DLG1: variants seen among roughly 807,000 people sequenced by gnomAD.
The protein encoded by DLG1 is disks large homolog 1.
DLG1 carries 42 observed loss-of-function variants against 123.4 expected under a neutral mutation model. The ratio of observed to expected loss-of-function variants is 0.34; its 90% CI spans 0.27 to 0.44. DLG1 has a LOEUF of 0.44. Ranked by LOEUF, DLG1 falls within the 20% of genes least tolerant of loss-of-function variation. The pLI is 1.00. For missense variants in DLG1, 942 were observed against 1,082.6 expected (o/e 0.87, Z 1.82); for synonymous variants, 317 against 356.2 (o/e 0.89, Z 1.24).
intron 17 of DLG1, among the ~76,000 whole-genome samples, chr3:197,076,945 A>T (rs969747435): frequency 5.9e-5 from 9 of 152,222 alleles, no homozygotes; most frequent in Admixed American, 1.3e-4. Flanking sequence ...AAAAAAGGCA[A>T]ATCAGTTACT....
intron 24 of DLG1, among the ~76,000 whole-genome samples, chr3:197,047,628 G>T (rs1412339774): frequency 1.3e-5 from 2 of 151,264 alleles, no homozygotes; most frequent in Non-Finnish European, 2.9e-5. Context: ...ATTTCAAAAC[G>T]GATCAAAGGG....
At chr3:197,140,880 C>T (rs943077237) in intron 7 of DLG1, among the ~76,000 whole-genome samples, 1 of 152,180 alleles carries the variant, frequency 6.6e-6, no homozygotes, top group Non-Finnish European at 1.5e-5. Flanking sequence ...AACCTGAGAA[C>T]TTAACATTGG....
At position 197,140,301 on chromosome 3, in the gene DLG1, A is replaced by G. The variant is rs114457359; in HGVS notation, c.589-37T>C. Reference sequence around the variant, plus strand: ...AGAAAAAAAATTGAGACTGAATATGATTTATCTTTATGGACAGGTTCCTGT... The same window carrying G: ...AGAAAAAAAATTGAGACTGAATATGGTTTATCTTTATGGACAGGTTCCTGT... On this transcript the variant is annotated intron_variant, in intron 7 of 24. Transcript: ENST00000667157. The G allele has an allele frequency of 2.3e-3, 3,676 of 1,603,460 alleles. 68 individuals are homozygous for G. In the African/African-American group the frequency reaches 0.041, roughly 18 times the overall value.
chr3:197,241,009 C>A (rs560667541), intron 4 of DLG1, among the ~76,000 whole-genome samples: 1 of 152,136 alleles, frequency 6.6e-6, no homozygotes, highest in Admixed American at 6.5e-5. Flanking sequence ...TAATAGAAAA[C>A]TTTCCACAAC....
chr3:197,086,095 T>G (rs1754187906), intron 15 of DLG1, among the ~76,000 whole-genome samples: 1 of 152,204 alleles, frequency 6.6e-6, no homozygotes, highest in East Asian at 1.9e-4. Context: ...TTAAGATACA[T>G]TCTTCTCTTT....
chr3:197,168,731 A>C lies in DLG1; in HGVS notation c.484-18935T>G, dbSNP rs377508788. Among the ~76,000 whole-genome samples, 61 of 152,222 alleles carry C rather than the reference A, an allele frequency of 4.0e-4. 1 individual carries two copies. In the South Asian group the frequency reaches 0.012, roughly 30 times the overall value. ...ATCCTTGTTTTGCTCCATTTGTATC[A>C]CTCAATAAGATGAGATCTAAAGTTT... On this transcript the variant is annotated intron_variant, in intron 5 of 24. Transcript: ENST00000667157.
chr3:197,185,165 G>A (rs1240904618), intron 5 of DLG1, among the ~76,000 whole-genome samples: 2 of 152,170 alleles, frequency 1.3e-5, no homozygotes, highest in African/African-American at 4.8e-5. Flanking sequence ...TTTTTAAGCT[G>A]ATAAGAGCAT....
intron 4 of DLG1, among the ~76,000 whole-genome samples, chr3:197,253,354 G>C (rs940378421): frequency 3.9e-5 from 6 of 152,154 alleles, no homozygotes; most frequent in Non-Finnish European, 8.8e-5. Flanking sequence ...GGGAAATGTG[G>C]CTACACATCG....
chr3:197,248,468 CA>C lies in DLG1; in HGVS notation c.318+34210del, dbSNP rs140691103. Among the ~76,000 whole-genome samples the C allele has an allele frequency of 1.3e-3, 204 of 152,282 alleles. 6 individuals carry two copies. In the South Asian group the frequency reaches 0.033, roughly 24 times the overall value. On this transcript the variant is annotated intron_variant, in intron 4 of 24. Coordinates refer to ENST00000667157, the MANE Select transcript of DLG1 (RefSeq NM_001366207.1). Reference sequence around the variant, plus strand: ...GAGAATGGGATCCCAGATGAGCCCCCAAATTTGTTAGAAGAGCTCAAAGTCA... The same window carrying C: ...GAGAATGGGATCCCAGATGAGCCCCCAATTTGTTAGAAGAGCTCAAAGTCA...
intron 10 of DLG1, among the ~76,000 whole-genome samples, chr3:197,131,840 G>A (rs568581611): frequency 3.4e-4 from 52 of 151,840 alleles, no homozygotes; most frequent in Admixed American, 1.4e-3. Flanking sequence ...TGATCCGCCC[G>A]CCTCGGCCTC....
chr3:197,198,587 C>T (rs963142962), intron 4 of DLG1, among the ~76,000 whole-genome samples: 4 of 150,972 alleles, frequency 2.6e-5, no homozygotes, highest in Non-Finnish European at 5.9e-5. Context: ...TATAGCTCAA[C>T]AAGAAGATGA....
chr3:197,279,486 T>C (rs1051018923), intron 4 of DLG1, among the ~76,000 whole-genome samples: 6 of 152,194 alleles, frequency 3.9e-5, no homozygotes, highest in African/African-American at 1.4e-4. Context: ...ATGAACAGAT[T>C]TCAAACATTA....
chr3:197,270,848 TC>T (rs1162195969), intron 4 of DLG1, among the ~76,000 whole-genome samples: 1 of 151,882 alleles, frequency 6.6e-6, no homozygotes, highest in African/African-American at 2.4e-5. Context: ...CAAAAACGAG[TC>T]TCATCAACCT....
intron 9 of DLG1, 152 bp from the exon 10 acceptor site, chr3:197,136,830 C>A: frequency 1.7e-6 from 1 of 602,354 alleles, no homozygotes; most frequent in South Asian, 2.9e-5. Flanking sequence ...ATATGTTCTG[C>A]AATCAAGGGA....
intron 5 of DLG1, among the ~76,000 whole-genome samples, chr3:197,187,569 T>C (rs1454572560): frequency 3.3e-5 from 5 of 152,220 alleles, no homozygotes; most frequent in Non-Finnish European, 1.5e-5. Context: ...AGTTTGAGCA[T>C]AATTTTCCTT....
At chr3:197,242,602 AAAG>A (rs1457973217) in intron 4 of DLG1, among the ~76,000 whole-genome samples, 1 of 152,080 alleles carries the variant, frequency 6.6e-6, no homozygotes, top group Non-Finnish European at 1.5e-5. Context: ...CTGACCACAA[AAAG>A]AATAAAAATA....
chr3:197,096,929 T>C (rs1248221941), intron 14 of DLG1, among the ~76,000 whole-genome samples: 1 of 152,250 alleles, frequency 6.6e-6, no homozygotes, highest in Non-Finnish European at 1.5e-5. Flanking sequence ...AAATTAGTTT[T>C]CCCCAACTTT....
In DLG1 at chr3:197,161,756, C is replaced by CA. The variant is rs543160662; in HGVS notation, c.484-11961dup. On this transcript the variant is annotated intron_variant, in intron 5 of 24. Coordinates refer to ENST00000667157, the MANE Select transcript of DLG1 (RefSeq NM_001366207.1). ...TCTGTTGGCTAAAAATCATCAATGA[C>CA]AAAAAATCAGGAAAAACACCAAAAT... The CA allele has an allele frequency of 2.6e-4, 393 of 1,502,358 alleles. 2 individuals are homozygous for CA. The highest frequency in any genetic ancestry group is 6.8e-4 in the Middle Eastern group (4 of 5,840). 93.1% of individuals were successfully genotyped at this position (1,502,358 alleles called of 1,614,324 possible).
chr3:197,198,111 A>G (rs966230399), intron 4 of DLG1, among the ~76,000 whole-genome samples: 1 of 149,394 alleles, frequency 6.7e-6, no homozygotes, highest in Non-Finnish European at 1.5e-5. Flanking sequence ...AAAAAACATA[A>G]ATTGGACTCA....
Sources: gnomAD v4.1 joint callset for allele counts (sites outside exome capture counted in the v4.1 genomes callset) on GRCh38, gnomAD v4.1.1 for gene constraint, MANE v1.5 for transcripts, NCBI Gene and HGNC (gene_info 2026-07-23, HGNC 2026-07-21) for gene names.